The following LPA variants were observed in gnomAD, a reference collection of about 807,000 sequenced individuals.
The protein encoded by LPA is lipoprotein(a).
Under a neutral mutation model 197.9 loss-of-function variants are expected in LPA, and 199 were observed. That is an observed-to-expected ratio of 1.01 (90% CI 0.90 to 1.13). LPA has a LOEUF of 1.13. Ranked by LOEUF, LPA falls within the 50% of genes most tolerant of loss-of-function variation. The pLI is 0.00. For synonymous variants in LPA, 715 were observed against 639.5 expected (o/e 1.12, Z -1.78); for missense variants, 1,853 against 1,785.8 (o/e 1.04, Z -0.68).
intron 16 of LPA, among the ~76,000 whole-genome samples, chr6:160,609,837 T>C (rs528245372): frequency 4.0e-5 from 6 of 151,860 alleles, no homozygotes; most frequent in Non-Finnish European, 7.4e-5. Flanking sequence ...GTTTTGAATG[T>C]GTGTGTGTGT....
intron 18 of LPA, among the ~76,000 whole-genome samples, chr6:160,601,993 C>T (rs1243334726): frequency 6.6e-6 from 1 of 152,202 alleles, no homozygotes; most frequent in African/African-American, 2.4e-5. Context: ...AGCATTCACT[C>T]CTCCTTATGC....
intron 36 of LPA, 65 bp downstream of exon 36, chr6:160,539,978 T>C: frequency 6.2e-7 from 1 of 1,613,052 alleles, no homozygotes; most frequent in Non-Finnish European, 8.5e-7. Flanking sequence ...CCATGGCCCA[T>C]AAAACCCAGA....
In LPA at chr6:160,599,643, G is replaced by A. The variant is rs117488709; in HGVS notation, c.3144C>T (p.Thr1048=). The change falls in exon 20 of 39, where the codon ACC becomes ACT. Residue 1048 remains threonine, a synonymous_variant. Transcript: ENST00000316300. ...AFFEQALTEE[T]PGVQDCYYHY... is the part of the protein sequence containing the mutation. ...GGTAGTAGCAGTCCTGTACCCCGGGGGTTTCCTCAGTCAGTGCTGAAATTA... is the reference window on the plus strand; with the variant it reads ...GGTAGTAGCAGTCCTGTACCCCGGGAGTTTCCTCAGTCAGTGCTGAAATTA... 105 of 1,613,928 alleles carry A rather than the reference G, an allele frequency of 6.5e-5. No homozygotes were observed. Among genetic ancestry groups the A allele is most frequent in the Non-Finnish European group, 8.3e-5 (98 of 1,179,950 alleles).
intron 18 of LPA, among the ~76,000 whole-genome samples, chr6:160,604,569 T>A (rs1779307546): frequency 6.6e-6 from 1 of 152,174 alleles, no homozygotes; most frequent in Non-Finnish European, 1.5e-5. Context: ...CAGAACCGAC[T>A]GTGTTTCTAC....
chr6:160,556,967 T>C (rs1159092410), intron 29 of LPA, among the ~76,000 whole-genome samples: 1 of 152,052 alleles, frequency 6.6e-6, no homozygotes, highest in East Asian at 1.9e-4. Context: ...ATAAATATCA[T>C]CATATTAGGT....
chr6:160,556,715 C>G (rs1383453099), intron 29 of LPA, among the ~76,000 whole-genome samples: 2 of 152,048 alleles, frequency 1.3e-5, no homozygotes, highest in African/African-American at 4.8e-5. Flanking sequence ...ATCTTATTCC[C>G]TTACAGTAGA....
intron 17 of LPA, 52 bp from the exon 18 acceptor site, chr6:160,605,257 C>A (rs1470011010): frequency 6.2e-7 from 1 of 1,601,934 alleles, no homozygotes. Flanking sequence ...AAGAGACAAA[C>A]ATGTGAAGCC....
chr6:160,598,516 G>A (rs976664081), intron 20 of LPA, among the ~76,000 whole-genome samples: 1 of 152,112 alleles, frequency 6.6e-6, no homozygotes, highest in Middle Eastern at 3.2e-3. Flanking sequence ...CAATACTCTT[G>A]GTCCTCTAGC....
chr6:160,599,442 T>C, intron 20 of LPA, 58 bp downstream of exon 20: 6 of 1,606,532 alleles, frequency 3.7e-6, no homozygotes, highest in East Asian at 4.5e-5. Flanking sequence ...AGCATGACTC[T>C]TCTAACAGAA....
chr6:160,589,839 A>T, intron 23 of LPA, 127 bp from the exon 24 acceptor site: 1 of 1,036,188 alleles, frequency 9.7e-7, no homozygotes, highest in Non-Finnish European at 1.5e-6. Context: ...CTACATTAGT[A>T]GGCAGATGGA....
chr6:160,599,797 A>G, intron 19 of LPA, 138 bp from the exon 20 acceptor site: 1 of 878,880 alleles, frequency 1.1e-6, no homozygotes, highest in Admixed American at 2.2e-5. Flanking sequence ...GCAAATGGAC[A>G]TGAGAAAACA....
intron 28 of LPA, among the ~76,000 whole-genome samples, chr6:160,574,911 C>T (rs909955884): frequency 3.3e-5 from 5 of 152,144 alleles, no homozygotes; most frequent in African/African-American, 1.2e-4. Flanking sequence ...CTAGTCCTGC[C>T]TCCTGTCTGC....
chr6:160,584,115 C>A (rs957310098), intron 26 of LPA, among the ~76,000 whole-genome samples: 5 of 151,964 alleles, frequency 3.3e-5, no homozygotes, highest in African/African-American at 1.2e-4. Flanking sequence ...TGCTTAGAAC[C>A]CAGTGTGTTC....
Position 160,599,705 on chromosome 6 carries a change from G to T in LPA, c.3128-46C>A, listed in dbSNP as rs41270996. ...ATCAAGCTTATTATTTCCTAGAACA[G>T]AAAAATACAGGAAGCCATTTATGAC... On this transcript the variant is annotated intron_variant, in intron 19 of 38. Coordinates refer to ENST00000316300, the MANE Select transcript of LPA (RefSeq NM_005577.4). The T allele has an allele frequency of 1.3e-3, 2,029 of 1,607,206 alleles. 25 individuals are homozygous for T. The African/African-American group carries it at 0.023, about 18-fold the overall frequency.
intron 26 of LPA, among the ~76,000 whole-genome samples, chr6:160,584,237 T>TTCCTCC (rs1222927075): frequency 0.036 from 2,453 of 68,896 alleles, 107 homozygotes; most frequent in East Asian, 0.12. Context: ...CTTCTTCTTC[T>TTCCTCC]TCCTCCTCCT....
At chr6:160,600,167 C>T (rs543339562) in intron 19 of LPA, among the ~76,000 whole-genome samples, 5 of 152,320 alleles carry the variant, frequency 3.3e-5, no homozygotes, top group African/African-American at 7.2e-5. Context: ...GCAGCTAAAA[C>T]TGTAGGCAAC....
intron 1 of LPA, among the ~76,000 whole-genome samples, chr6:160,655,065 C>G (rs1479220945): frequency 6.6e-6 from 1 of 152,186 alleles, no homozygotes; most frequent in African/African-American, 2.4e-5. Flanking sequence ...CGATCACATA[C>G]ACACCACTTC....
intron 23 of LPA, 147 bp from the exon 24 acceptor site, chr6:160,589,859 AAC>A: frequency 1.1e-6 from 1 of 902,630 alleles, no homozygotes; most frequent in Non-Finnish European, 1.8e-6. Context: ...ACATGCCAAT[AAC>A]AAAGCTCAAA....
At chr6:160,563,766 A>G (rs1778402203) in intron 28 of LPA, among the ~76,000 whole-genome samples, 1 of 152,174 alleles carries the variant, frequency 6.6e-6, no homozygotes, top group Admixed American at 6.5e-5. Flanking sequence ...GTGCATATAT[A>G]AGTAGGACAG....
Sources: allele counts gnomAD v4.1 joint callset (sites outside exome capture counted in the v4.1 genomes callset), GRCh38; gene constraint gnomAD v4.1.1; transcripts MANE v1.5; gene names NCBI Gene and HGNC (gene_info 2026-07-23, HGNC 2026-07-21).